Variants in SEC31A observed in about 807,000 individuals in gnomAD.
SEC31A encodes SEC31 homolog A, COPII component, also known as protein transport protein Sec31A.
A neutral mutation model predicts 151.0 loss-of-function variants in SEC31A; 70 were observed. That is an observed-to-expected ratio of 0.46 (90% confidence interval 0.38 to 0.57). SEC31A has a LOEUF of 0.57. SEC31A is among the 20% of genes least tolerant of loss of function. The pLI, the probability that SEC31A is intolerant of heterozygous loss-of-function variation, is 0.00. For synonymous variants in SEC31A, 475 were observed against 505.9 expected, an observed-to-expected ratio of 0.94 and a Z score of 0.82; for missense variants, 1,330 against 1,471.2, an observed-to-expected ratio of 0.90 and a Z score of 1.57.
intron 24 of SEC31A, 88 bp from the exon 25 acceptor site, chr4:82,824,762 G>T (rs576563504): frequency 2.8e-6 from 4 of 1,448,472 alleles, no homozygotes; most frequent in Non-Finnish European, 3.7e-6. Context: ...AACAGAAACC[G>T]ACAACCTTGT....
chr4:82,885,262 G>A (rs1374789896), intron 1 of SEC31A, among the ~76,000 whole-genome samples: 1 of 152,140 alleles, frequency 6.6e-6, no homozygotes. Flanking sequence ...GTATTGACAT[G>A]ACAGACATGG....
chr4:82,851,739 T>C, intron 18 of SEC31A, 135 bp from the exon 19 acceptor site: 1 of 685,494 alleles, frequency 1.5e-6, no homozygotes. Context: ...CCTAGAAAAG[T>C]ACAGCCACTA....
intron 17 of SEC31A, among the ~76,000 whole-genome samples, chr4:82,854,364 CAAAAA>C (rs11349113): frequency 1.5e-5 from 2 of 130,252 alleles, no homozygotes. Flanking sequence ...ACTCCGTCTC[CAAAAA>C]AAAAAAAAAA....
intron 1 of SEC31A, 159 bp downstream of exon 1, chr4:82,890,929 G>C: frequency 7.1e-7 from 1 of 1,412,854 alleles, no homozygotes; most frequent in Non-Finnish European, 9.2e-7. Context: ...TTGTTCCGCC[G>C]GGCCCGAAAC....
At chr4:82,829,602 A>C (rs1725454460) in intron 22 of SEC31A, among the ~76,000 whole-genome samples, 2 of 152,222 alleles carry the variant, frequency 1.3e-5, no homozygotes. Context: ...AGTAATTTTT[A>C]TCATCTTTGC....
At chr4:82,900,482 A>C (rs1720271666) in exon 1 of SEC31A, 1 of 351,862 alleles carries the variant, frequency 2.8e-6, no homozygotes, top group African/African-American at 2.2e-5. Context: ...AGATTGTGCC[A>C]GAATGGGTGA....
intron 1 of SEC31A, among the ~76,000 whole-genome samples, chr4:82,886,449 G>A (rs1378611371): frequency 6.6e-6 from 1 of 152,106 alleles, no homozygotes; most frequent in East Asian, 1.9e-4. Context: ...TTATAATAGG[G>A]AGCCAAAAAA....
Position 82,842,362 on chromosome 4 carries a change from C to T in SEC31A, c.2746G>A (p.Ala916Thr), listed in dbSNP as rs1194553126. ...TGAGACTGCCCAGTATAGGAAGAAG[C>T]AGAAGATATGTAAGGGGTGTTAGGG... ...AYPNTPYISS[A>T]SSYTGQSQLY... is the part of the protein sequence containing the mutation. The change falls in exon 22 of 27, where the codon GCT (alanine) becomes ACT (threonine). Residue 916 changes from alanine (A) to threonine (T), a missense_variant. By Grantham distance (58) the Ala-to-Thr change is moderately conservative. Transcript: ENST00000395310. 1 of 1,613,760 alleles carries T rather than the reference C, an allele frequency of 6.2e-7. No individual in the cohort carries two copies. The highest frequency in any genetic ancestry group is 8.5e-7 in the Non-Finnish European group (1 of 1,179,860).
intron 12 of SEC31A, among the ~76,000 whole-genome samples, 196 bp from the exon 13 acceptor site, chr4:82,862,768 T>A (rs1463331354): frequency 6.6e-6 from 1 of 152,240 alleles, no homozygotes; most frequent in Admixed American, 6.5e-5. Context: ...TAATTAGAAA[T>A]AATCCGACAA....
chr4:82,862,394 T>C (rs1428145799), intron 13 of SEC31A, 140 bp downstream of exon 13: 1 of 616,444 alleles, frequency 1.6e-6, no homozygotes, highest in African/African-American at 1.9e-5. Context: ...ATGAGAATTA[T>C]TAATTTATTA....
chr4:82,862,547 T>A lies in SEC31A; in HGVS notation c.1535A>T (p.Asp512Val), dbSNP rs764616217. The A allele has an allele frequency of 1.4e-5, 22 of 1,613,632 alleles. No individual in the cohort carries two copies. Among genetic ancestry groups the A allele is most frequent in the Non-Finnish European group, 1.8e-5 (21 of 1,179,736 alleles). The change falls in exon 13 of 27, where the codon GAT becomes GTT. Residue 512 changes from aspartate to valine, a missense_variant. By Grantham distance (152) the Asp-to-Val change is radical (BLOSUM62 -3). Transcript: ENST00000395310. Reference protein sequence around the residue: ...KKIALALNKVDGANVALKDSD... With the variant: ...KKIALALNKVVGANVALKDSD... ...AGGCCTTCTTACCACATTGGCTCCATCCACTTTGTTCAAGGCCAAAGCAAT... is the reference window on the plus strand; with the variant it reads ...AGGCCTTCTTACCACATTGGCTCCAACCACTTTGTTCAAGGCCAAAGCAAT...
At chr4:82,854,680 T>C (rs1732229802) in intron 17 of SEC31A, among the ~76,000 whole-genome samples, 1 of 151,174 alleles carries the variant, frequency 6.6e-6, no homozygotes, top group Non-Finnish European at 1.5e-5. Flanking sequence ...TTCCAACTCT[T>C]GTCTGTCTGA....
chr4:82,820,270 G>A (rs1176178379), intron 26 of SEC31A, among the ~76,000 whole-genome samples: 1 of 151,476 alleles, frequency 6.6e-6, no homozygotes, highest in Non-Finnish European at 1.5e-5. Context: ...TGCCCACCGA[G>A]AAGACTTTAT....
At chr4:82,821,407 G>T in intron 25 of SEC31A, 1 of 244,124 alleles carries the variant, frequency 4.1e-6, no homozygotes, top group South Asian at 5.6e-5. Context: ...AATTTGCTGG[G>T]CGTAGTGGCA....
At chr4:82,893,508 C>T (rs984259787), upstream of SEC31A, 4 of 152,348 alleles carry the variant, frequency 2.6e-5, no homozygotes, top group African/African-American at 9.6e-5. Context: ...CAGTACTATG[C>T]TTACACCTCA....
upstream of SEC31A, among the ~76,000 whole-genome samples, chr4:82,892,750 CAAT>C (rs964979187): frequency 6.6e-6 from 1 of 151,882 alleles, no homozygotes; most frequent in Non-Finnish European, 1.5e-5. Flanking sequence ...GGGGGGGGCA[CAAT>C]GATTTGTGGA....
intron 25 of SEC31A, among the ~76,000 whole-genome samples, chr4:82,823,314 CCTGT>C (rs745483310): frequency 2.0e-5 from 3 of 152,306 alleles, no homozygotes; most frequent in African/African-American, 4.8e-5. Flanking sequence ...ATGACTACAG[CCTGT>C]CTATTTAGAA....
chr4:82,871,053 G>A (rs563684621), intron 7 of SEC31A, among the ~76,000 whole-genome samples: 11 of 152,254 alleles, frequency 7.2e-5, no homozygotes, highest in Admixed American at 1.3e-4. Context: ...TTATGGTGGC[G>A]TGTGCCTGTA....
Position 82,829,049 on chromosome 4 carries a change from T to C in SEC31A, c.2978A>G (p.Asn993Ser). 6.2e-7 allele frequency: 1 copy of C among 1,613,198 alleles called. No homozygotes were observed. Among genetic ancestry groups the C allele is most frequent in the Non-Finnish European group, 8.5e-7 (1 of 1,179,182 alleles). The change falls in exon 23 of 27, where the codon AAT becomes AGT. Residue 993 changes from asparagine (N) to serine (S), a missense_variant. Transcript: ENST00000395310. ...CAAAGCTGGAGGGTCATTCCAACCA[T>C]TCTGAGGACCTATAACAGATAACAG... Reference protein sequence around the residue: ...LPASQRTGPQNGWNDPPALNR... With the variant: ...LPASQRTGPQSGWNDPPALNR...
Sources: allele counts gnomAD v4.1 joint callset (sites outside exome capture counted in the v4.1 genomes callset), GRCh38; gene constraint gnomAD v4.1.1; transcripts MANE v1.5; gene names NCBI Gene and HGNC (gene_info 2026-07-23, HGNC 2026-07-21).